CNTN4: variants seen among roughly 807,000 people sequenced by gnomAD.
CNTN4 encodes the protein contactin 4, also known as contactin-4.
Under a neutral mutation model 122.5 loss-of-function variants are expected in CNTN4, and 77 were observed. The observed-to-expected ratio is 0.63, with a 90% CI of 0.52 to 0.76. The LOEUF (loss-of-function observed/expected upper bound fraction) is 0.76, where lower values mean the gene tolerates loss of function less well. Among genes scored for constraint, CNTN4 ranks in the 30% least tolerant of loss-of-function variants. The probability of loss-of-function intolerance (pLI) is 0.00; values close to 1 mark genes in which losing one functional copy is unlikely to be tolerated. For missense variants in CNTN4, 1,256 were observed against 1,259.1 expected, an observed-to-expected ratio of 1.00 and a Z score of 0.04; for synonymous variants, 512 against 447.0, an observed-to-expected ratio of 1.15 and a Z score of -1.83.
intron 14 of CNTN4, among the ~76,000 whole-genome samples, chr3:3,013,311 T>G (rs918462503): frequency 3.3e-5 from 5 of 152,184 alleles, no homozygotes; most frequent in African/African-American, 1.2e-4. Flanking sequence ...ACTAGGCTTT[T>G]AGACACTAAA....
chr3:2,823,070 A>T (rs1168597090), intron 7 of CNTN4, among the ~76,000 whole-genome samples: 1 of 152,204 alleles, frequency 6.6e-6, no homozygotes, highest in Non-Finnish European at 1.5e-5. Context: ...TTATCTGATG[A>T]AATCCTTCCA....
chr3:2,941,199 C>T (rs1269914002), intron 13 of CNTN4, among the ~76,000 whole-genome samples: 1 of 152,164 alleles, frequency 6.6e-6, no homozygotes, highest in African/African-American at 2.4e-5. Flanking sequence ...TCATCAGACT[C>T]TCCCTTTTCT....
At position 2,120,341 on chromosome 3, in the gene CNTN4, GGCATTTAGGTTATATATATATATAT is replaced by G. The variant is rs2033636980; in HGVS notation, c.-145+19703_-145+19727del. On this transcript the variant is annotated intron_variant, in intron 2 of 24. Transcript: ENST00000418658. ...CCATATTATTTAAACTATAACATGA[GGCATTTAGGTTATATATATATATAT>G]ATATATAAATATATATATATATATA... 3.3e-5 allele frequency among the ~76,000 whole-genome samples: 3 copies of G among 91,876 alleles called. No individual in the cohort carries two copies. The Admixed American group carries it at 4.1e-4, about 13-fold the overall frequency. The allele number at this position is 91,876 out of a possible 152,430, so 60.3% of individuals were successfully genotyped here.
intron 3 of CNTN4, among the ~76,000 whole-genome samples, chr3:2,548,351 A>G (rs538917936): frequency 2.0e-5 from 3 of 152,224 alleles, no homozygotes; most frequent in African/African-American, 4.8e-5. Context: ...TAATTTTTGT[A>G]TAAGGTATAA....
intron 4 of CNTN4, among the ~76,000 whole-genome samples, chr3:2,643,102 C>T (rs2082967111): frequency 1.3e-5 from 2 of 152,170 alleles, no homozygotes; most frequent in African/African-American, 2.4e-5. Context: ...CTCTATGGAG[C>T]CCCTTTTATC....
chr3:2,445,748 T>TAGC (rs1324585842), intron 3 of CNTN4, among the ~76,000 whole-genome samples: 1 of 152,190 alleles, frequency 6.6e-6, no homozygotes, highest in East Asian at 1.9e-4. Flanking sequence ...ATCCTAAAGT[T>TAGC]AGCACCTTTT....
At chr3:2,757,920 T>C (rs2090411147) in intron 6 of CNTN4, among the ~76,000 whole-genome samples, 1 of 152,208 alleles carries the variant, frequency 6.6e-6, no homozygotes, top group Non-Finnish European at 1.5e-5. Flanking sequence ...GTATTTAGGG[T>C]ACACACTAAT....
At chr3:2,422,464 A>G (rs573037030) in intron 3 of CNTN4, among the ~76,000 whole-genome samples, 2 of 152,324 alleles carry the variant, frequency 1.3e-5, no homozygotes, top group South Asian at 4.1e-4. Context: ...TAGAAGTTCT[A>G]AATGATTTGT....
At chr3:2,443,308 G>A (rs2048505941) in intron 3 of CNTN4, among the ~76,000 whole-genome samples, 1 of 152,120 alleles carries the variant, frequency 6.6e-6, no homozygotes, top group Non-Finnish European at 1.5e-5. Context: ...GACCCATCCA[G>A]CACTGAGTAG....
intron 4 of CNTN4, among the ~76,000 whole-genome samples, chr3:2,716,437 G>C (rs2087503391): frequency 6.6e-6 from 1 of 151,906 alleles, no homozygotes; most frequent in Non-Finnish European, 1.5e-5. Context: ...GTCTTAGTCA[G>C]CTAGAGCTGT....
At chr3:2,690,059 A>T (rs1000641356) in intron 4 of CNTN4, among the ~76,000 whole-genome samples, 3 of 152,160 alleles carry the variant, frequency 2.0e-5, no homozygotes, top group Non-Finnish European at 4.4e-5. Context: ...CCAGCCTATG[A>T]GGTCCAGATG....
chr3:3,030,567 T>G (rs1011966875), intron 15 of CNTN4, among the ~76,000 whole-genome samples: 1 of 152,214 alleles, frequency 6.6e-6, no homozygotes, highest in Non-Finnish European at 1.5e-5. Flanking sequence ...CCGTAGTACG[T>G]AGGACTTATG....
chr3:2,347,380 A>G (rs1238610632), intron 3 of CNTN4, among the ~76,000 whole-genome samples: 1 of 148,336 alleles, frequency 6.7e-6, no homozygotes, highest in Non-Finnish European at 1.5e-5. Flanking sequence ...AAGCCAATGG[A>G]TGACTCCAAA....
chr3:2,423,126 A>G (rs1026023623), intron 3 of CNTN4, among the ~76,000 whole-genome samples: 2 of 152,188 alleles, frequency 1.3e-5, no homozygotes, highest in Non-Finnish European at 2.9e-5. Flanking sequence ...TCATCTGAGA[A>G]CAGTCTGACT....
chr3:2,444,473 C>T (rs2048549194), intron 3 of CNTN4, among the ~76,000 whole-genome samples: 2 of 151,984 alleles, frequency 1.3e-5, no homozygotes, highest in Non-Finnish European at 2.9e-5. Context: ...AGCTCATTTA[C>T]CGTATTCGAG....
intron 23 of CNTN4, among the ~76,000 whole-genome samples, chr3:3,050,532 G>C (rs1701152870): frequency 6.6e-6 from 1 of 152,008 alleles, no homozygotes; most frequent in African/African-American, 2.4e-5. Context: ...GGGAGGCCGA[G>C]GTGGGTGGAT....
intron 3 of CNTN4, among the ~76,000 whole-genome samples, chr3:2,473,245 A>AC (rs1436437252): frequency 4.3e-5 from 5 of 115,144 alleles, no homozygotes; most frequent in Non-Finnish European, 8.9e-5. Context: ...AAAAAAAAAA[A>AC]AAAAAAACAC....
intron 5 of CNTN4, among the ~76,000 whole-genome samples, chr3:2,742,795 C>A (rs918598591): frequency 1.1e-4 from 17 of 152,164 alleles, no homozygotes; most frequent in African/African-American, 3.9e-4. Flanking sequence ...AGATTCCTCA[C>A]ACATTGAAAG....
chr3:2,838,560 TAAAAAAA>T (rs11394928), intron 7 of CNTN4, among the ~76,000 whole-genome samples: 11 of 127,936 alleles, frequency 8.6e-5, no homozygotes, highest in Admixed American at 1.6e-4. Context: ...CTATGGTTTG[TAAAAAAA>T]AAAAAAAAAA....
Sources: allele counts gnomAD v4.1 joint callset (sites outside exome capture counted in the v4.1 genomes callset), GRCh38; gene constraint gnomAD v4.1.1; transcripts MANE v1.5; gene names NCBI Gene and HGNC (gene_info 2026-07-23, HGNC 2026-07-21).